SLC16A14: variants seen among roughly 807,000 people sequenced by gnomAD.
SLC16A14 encodes monocarboxylate transporter 14.
SLC16A14 carries 14 observed loss-of-function variants against 35.8 expected under a neutral mutation model. The ratio of observed to expected loss-of-function variants is 0.39; its 90% CI spans 0.26 to 0.61. The LOEUF is 0.61. SLC16A14 is among the 20% of genes least tolerant of loss of function. The pLI is 0.51. For synonymous variants in SLC16A14, 248 were observed against 258.9 expected (o/e 0.96, Z 0.40); for missense variants, 533 against 655.0 (o/e 0.81, Z 2.03).
intron 2 of SLC16A14, 48 bp downstream of exon 2, chr2:230,059,046 G>T (rs2106273874): frequency 6.5e-7 from 1 of 1,527,254 alleles, no homozygotes; most frequent in Non-Finnish European, 8.8e-7. Context: ...GTGGGGAATT[G>T]TCATTTGATA....
rs2077606057 is a variant in SLC16A14, at chr2:230,046,292, A to G, written c.834T>C (p.Cys278=). Residue 278 remains cysteine (C), a synonymous_variant, in exon 4 of 5, where the codon TGT becomes TGC. Coordinates refer to ENST00000295190, the MANE Select transcript of SLC16A14 (RefSeq NM_152527.5). The surrounding 1 kb of genome is among the most constrained non-coding windows in gnomAD (Gnocchi z 5.0). ...PDQAGHRKNM[C]ALRILKTVSW... The stretch of plus-strand genomic sequence containing the variant: ...TGACAGTCTTCAGAATCCGGAGGGC[A>G]CACATGTTCTTCCTGTGCCCGGCCT... 3 of 1,614,100 alleles carry G rather than the reference A, an allele frequency of 1.9e-6. No individual in the cohort carries two copies. The highest frequency in any genetic ancestry group is 1.6e-4 in the Middle Eastern group (1 of 6,084).
intron 4 of SLC16A14, 55 bp downstream of exon 4, chr2:230,045,690 C>T: frequency 6.3e-7 from 1 of 1,596,988 alleles, no homozygotes; most frequent in Non-Finnish European, 8.6e-7. Flanking sequence ...GACTTTATAA[C>T]ATAACGCACC....
rs112034612 is a variant in SLC16A14, at chr2:230,060,826, G to C, written c.-14-1460C>G. On this transcript the variant is annotated intron_variant, in intron 1 of 4. Coordinates refer to ENST00000295190, the MANE Select transcript of SLC16A14 (RefSeq NM_152527.5). Reference sequence around the variant, plus strand: ...AACAGATTGGTCTTTATTAGGAAGAGAGACCCATCCTCTGAGTCTGGAGGA... The same window carrying C: ...AACAGATTGGTCTTTATTAGGAAGACAGACCCATCCTCTGAGTCTGGAGGA... Among the ~76,000 whole-genome samples, 969 of 152,072 alleles carry C rather than the reference G, an allele frequency of 6.4e-3. 10 individuals carry two copies. The highest frequency in any genetic ancestry group is 0.022 in the African/African-American group (904 of 41,454).
chr2:230,064,627 T>C (rs2077777761), intron 1 of SLC16A14, among the ~76,000 whole-genome samples: 2 of 152,266 alleles, frequency 1.3e-5, no homozygotes, highest in Admixed American at 1.3e-4. Context: ...TGCTCAGCTA[T>C]GTTTAATGTG....
At chr2:230,066,778 G>C (rs1335338803) in intron 1 of SLC16A14, 3 of 342,418 alleles carry the variant, frequency 8.8e-6, no homozygotes. Flanking sequence ...GGGACTACAG[G>C]TGTGTGCCAC....
chr2:230,064,475 T>A (rs2077776985), intron 1 of SLC16A14, among the ~76,000 whole-genome samples: 1 of 152,056 alleles, frequency 6.6e-6, no homozygotes, highest in South Asian at 2.1e-4. Context: ...CCAGAGAGGG[T>A]TCAGAAGGGA....
Position 230,059,109 on chromosome 2 carries a change from T to C in SLC16A14, c.244A>G (p.Ile82Val). Residue 82 changes from isoleucine (I) to valine (V), a missense_variant, in exon 2 of 5, where the codon ATC (isoleucine) becomes GTC (valine). Physicochemically the swap from Ile to Val is conservative, Grantham distance 29. Transcript: ENST00000295190. The stretch of plus-strand genomic sequence containing the variant: ...ATGAACATACCCACTATCAAGGTGA[T>C]GCCCATGCTGAGGGAGCTGACCCAG... ...TAWVSSLSMGITLIVGPFIGL... is the reference protein window; with the variant it reads ...TAWVSSLSMGVTLIVGPFIGL... 6.2e-7 allele frequency: 1 copy of C among 1,612,650 alleles called. No individual in the cohort carries two copies. Among genetic ancestry groups the C allele is most frequent in the Non-Finnish European group, 8.5e-7 (1 of 1,179,364 alleles).
chr2:230,049,125 A>C (rs2077635380), intron 3 of SLC16A14, among the ~76,000 whole-genome samples: 1 of 150,340 alleles, frequency 6.7e-6, no homozygotes, highest in Admixed American at 6.6e-5. Context: ...ACTGGAGTGC[A>C]GTGGTGCAAT....
intron 2 of SLC16A14, among the ~76,000 whole-genome samples, chr2:230,053,483 A>G (rs1485992050): frequency 3.3e-5 from 5 of 152,022 alleles, no homozygotes. Context: ...ACCATTTCCC[A>G]CTGTAATAAA....
intron 4 of SLC16A14, among the ~76,000 whole-genome samples, chr2:230,044,729 T>TGTGTGG (rs1192425375): frequency 1.0e-5 from 1 of 97,528 alleles, no homozygotes; most frequent in East Asian, 3.4e-4. Context: ...TGTGTGTGTG[T>TGTGTGG]GTGTGTGTAT....
intron 1 of SLC16A14, among the ~76,000 whole-genome samples, chr2:230,063,516 A>G (rs1209815325): frequency 6.6e-6 from 1 of 152,190 alleles, no homozygotes; most frequent in Non-Finnish European, 1.5e-5. Context: ...CATCTTTACT[A>G]TCTAACATCA....
At chr2:230,043,602 C>T (rs1173753288) in intron 4 of SLC16A14, among the ~76,000 whole-genome samples, 5 of 152,202 alleles carry the variant, frequency 3.3e-5, no homozygotes, top group Non-Finnish European at 7.3e-5. Flanking sequence ...ACAGGTGAGG[C>T]TCCACTGGGT....
rs1326325598 is a variant in SLC16A14, at chr2:230,046,943, A to T, written c.404-221T>A. ...TTTCTAGCCCGCCATTTTCCCCAACAGGCTTTGCTGCACAAGTTCCTCCAA... is the reference window on the plus strand; with the variant it reads ...TTTCTAGCCCGCCATTTTCCCCAACTGGCTTTGCTGCACAAGTTCCTCCAA... On this transcript the variant is annotated intron_variant, in intron 3 of 4. Coordinates refer to ENST00000295190, the MANE Select transcript of SLC16A14 (RefSeq NM_152527.5). The surrounding 1 kb of genome is among the most constrained non-coding windows in gnomAD (Gnocchi z 5.0). Among the ~76,000 whole-genome samples the T allele has an allele frequency of 2.0e-5, 3 of 152,234 alleles. No homozygotes were observed. The highest frequency in any genetic ancestry group is 4.4e-5 in the Non-Finnish European group (3 of 68,044).
intron 1 of SLC16A14, among the ~76,000 whole-genome samples, chr2:230,066,095 G>A (rs1169610432): frequency 6.6e-6 from 1 of 152,042 alleles, no homozygotes; most frequent in African/African-American, 2.4e-5. Context: ...ACTTGAGGTC[G>A]GGAGTCTGAG....
chr2:230,054,609 G>C lies in SLC16A14; in HGVS notation c.259+4485C>G, dbSNP rs1218290903. Among the ~76,000 whole-genome samples the C allele has an allele frequency of 2.6e-5, 4 of 152,178 alleles. No individual in the cohort carries two copies. The East Asian group carries it at 7.7e-4, about 29-fold the overall frequency. The stretch of plus-strand genomic sequence containing the variant: ...TCTTTGGAGAAAGGCACAGGTAACA[G>C]ACTGTTTCTGTGATTCTGTGTTTAT... On this transcript the variant is annotated intron_variant, in intron 2 of 4. Coordinates refer to ENST00000295190, the MANE Select transcript of SLC16A14 (RefSeq NM_152527.5).
At chr2:230,066,757 C>T in intron 1 of SLC16A14, 1 of 372,212 alleles carries the variant, frequency 2.7e-6, no homozygotes, top group South Asian at 2.0e-5. Flanking sequence ...GCCTCAGCCT[C>T]CCGAGTAGCT....
intron 2 of SLC16A14, among the ~76,000 whole-genome samples, chr2:230,056,703 A>G (rs1157986840): frequency 6.6e-6 from 1 of 151,854 alleles, no homozygotes; most frequent in African/African-American, 2.4e-5. Flanking sequence ...CCCCATCTCT[A>G]CCAAAAAGTT....
chr2:230,062,483 G>C (rs2077759294), intron 1 of SLC16A14, among the ~76,000 whole-genome samples: 1 of 151,978 alleles, frequency 6.6e-6, no homozygotes, highest in African/African-American at 2.4e-5. Flanking sequence ...CAAGTAGCAG[G>C]TACTACAGGC....
chr2:230,047,392 T>A (rs1266783279), intron 3 of SLC16A14, among the ~76,000 whole-genome samples: 2 of 149,508 alleles, frequency 1.3e-5, no homozygotes, highest in African/African-American at 4.9e-5. Context: ...GCTCATTGCG[T>A]CCTCGAACTC....
Sources: allele counts gnomAD v4.1 joint callset (sites outside exome capture counted in the v4.1 genomes callset), GRCh38; gene constraint gnomAD v4.1.1; non-coding constraint Gnocchi (gnomAD v3.1); transcripts MANE v1.5; gene names NCBI Gene and HGNC (gene_info 2026-07-23, HGNC 2026-07-21).